Variants in PDE1C observed in about 807,000 individuals in gnomAD.
PDE1C encodes phosphodiesterase 1C.
Under a neutral mutation model 93.1 loss-of-function variants are expected in PDE1C, and 62 were observed. The ratio of observed to expected loss-of-function variants is 0.67; its 90% CI spans 0.54 to 0.82. PDE1C has a LOEUF of 0.82. PDE1C is among the 40% of genes least tolerant of loss of function. The probability of loss-of-function intolerance (pLI) is 0.00; values close to 1 mark genes in which losing one functional copy is unlikely to be tolerated. For synonymous variants in PDE1C, 325 were observed against 310.1 expected (o/e 1.05, Z -0.50); for missense variants, 742 against 884.6 (o/e 0.84, Z 2.04).
At chr7:32,414,254 G>T (rs1456024735) in intron 1 of PDE1C, among the ~76,000 whole-genome samples, 1 of 148,848 alleles carries the variant, frequency 6.7e-6, no homozygotes, top group South Asian at 2.1e-4. Context: ...AAATAATAAA[G>T]GGTAGAGGGG....
chr7:31,627,606 G>A, the PDE1C span, among the ~76,000 whole-genome samples: 9 of 135,440 alleles, frequency 6.6e-5, no homozygotes, highest in Non-Finnish European at 9.1e-5. Context: ...TACGCAGTAA[G>A]CTGCGATCAT....
intron 17 of PDE1C, among the ~76,000 whole-genome samples, chr7:31,770,979 C>G (rs1562765154): frequency 6.6e-6 from 1 of 152,128 alleles, no homozygotes; most frequent in East Asian, 1.9e-4. Context: ...ATTGCAATGA[C>G]TATATGTTTG....
the PDE1C span, among the ~76,000 whole-genome samples, chr7:31,638,309 A>G: frequency 1.3e-5 from 2 of 152,204 alleles, no homozygotes; most frequent in African/African-American, 4.8e-5. Context: ...TATAATAAAT[A>G]TATAGTGAGT....
intron 1 of PDE1C, among the ~76,000 whole-genome samples, chr7:32,323,856 C>T (rs566192581): frequency 6.6e-6 from 1 of 152,316 alleles, no homozygotes; most frequent in African/African-American, 2.4e-5. Context: ...GGAGCTCCTC[C>T]TCTGGAAGCT....
intron 17 of PDE1C, among the ~76,000 whole-genome samples, chr7:31,771,902 T>C (rs1184017061): frequency 1.3e-5 from 2 of 151,896 alleles, no homozygotes; most frequent in African/African-American, 2.4e-5. Context: ...AAAAATTAGC[T>C]GGGCGTGGTG....
At chr7:32,421,996 G>C (rs1785441081) in intron 1 of PDE1C, among the ~76,000 whole-genome samples, 1 of 152,164 alleles carries the variant, frequency 6.6e-6, no homozygotes, top group Non-Finnish European at 1.5e-5. Context: ...AAAAGAAAGT[G>C]AGCCCGAGAC....
chr7:32,012,448 C>T (rs1384944782), intron 2 of PDE1C, among the ~76,000 whole-genome samples: 1 of 152,168 alleles, frequency 6.6e-6, no homozygotes, highest in East Asian at 1.9e-4. Flanking sequence ...CCAACCACCT[C>T]CCACCAGGCC....
At chr7:32,229,633 T>G (rs1316508643) in intron 1 of PDE1C, among the ~76,000 whole-genome samples, 1 of 152,180 alleles carries the variant, frequency 6.6e-6, no homozygotes, top group Non-Finnish European at 1.5e-5. Flanking sequence ...ATCTAGACCA[T>G]CCCAGCTGGA....
At chr7:32,141,140 C>T (rs1485907443) in intron 3 of PDE1C, among the ~76,000 whole-genome samples, 2 of 152,222 alleles carry the variant, frequency 1.3e-5, no homozygotes, top group Non-Finnish European at 2.9e-5. Context: ...GGAGGTGGAG[C>T]TTAATCCCAT....
chr7:32,210,900 TCA>T (rs1243856757), intron 1 of PDE1C, among the ~76,000 whole-genome samples: 1 of 152,132 alleles, frequency 6.6e-6, no homozygotes, highest in Admixed American at 6.6e-5. Flanking sequence ...CCATCGTCTG[TCA>T]CACCGCAGCA....
the PDE1C span, among the ~76,000 whole-genome samples, chr7:31,717,792 CT>C: frequency 2.0e-5 from 3 of 151,922 alleles, no homozygotes; most frequent in East Asian, 5.8e-4. Context: ...ATCTAGGGGT[CT>C]TTAGGAGTCT....
At chr7:31,652,402 A>G in the PDE1C span, 6 of 1,431,842 alleles carry the variant, frequency 4.2e-6, no homozygotes, top group Non-Finnish European at 5.5e-6. Context: ...TGCTGGCTCA[A>G]AGAGCCCATT....
At chr7:31,756,864 C>T (rs2128600893) in intron 17 of PDE1C, among the ~76,000 whole-genome samples, 1 of 152,308 alleles carries the variant, frequency 6.6e-6, no homozygotes. Context: ...CACTGGCTTT[C>T]CCTGCAGGCT....
chr7:31,785,639 C>T (rs899370903), intron 16 of PDE1C: 5 of 152,142 alleles, frequency 3.3e-5, no homozygotes, highest in African/African-American at 1.2e-4. Context: ...TTCAGACATT[C>T]CTGGAGAAGC....
chr7:31,897,846 C>G (rs1799497601), intron 2 of PDE1C, among the ~76,000 whole-genome samples: 1 of 152,176 alleles, frequency 6.6e-6, no homozygotes, highest in African/African-American at 2.4e-5. Context: ...GACTACAAAC[C>G]AATGGGTTTT....
At chr7:31,652,550 A>G in the PDE1C span, 6 of 1,607,892 alleles carry the variant, frequency 3.7e-6, no homozygotes, top group Non-Finnish European at 5.1e-6. Context: ...AGCCACCTGA[A>G]CACTATTCAA....
chr7:32,321,202 A>G (rs371183131), intron 1 of PDE1C, among the ~76,000 whole-genome samples: 11 of 152,316 alleles, frequency 7.2e-5, no homozygotes, highest in Admixed American at 3.3e-4. Context: ...AAGACCCCTC[A>G]TTTCTTTTGT....
chr7:32,103,621 A>C (rs1245794481), intron 3 of PDE1C, among the ~76,000 whole-genome samples: 1 of 152,228 alleles, frequency 6.6e-6, no homozygotes, highest in Non-Finnish European at 1.5e-5. Flanking sequence ...AACAATCGAC[A>C]AGACCCACCC....
intron 1 of PDE1C, among the ~76,000 whole-genome samples, chr7:32,210,948 G>T (rs56299652): frequency 0.36 from 55,104 of 152,066 alleles, 10,994 homozygotes; most frequent in Admixed American, 0.49. Flanking sequence ...TGGCGCGGGT[G>T]GCTCACGCCT....
Sources: allele counts gnomAD v4.1 joint callset (sites outside exome capture counted in the v4.1 genomes callset), GRCh38; gene constraint gnomAD v4.1.1; transcripts MANE v1.5; gene names NCBI Gene and HGNC (gene_info 2026-07-23, HGNC 2026-07-21).